Variants in NTM observed in about 807,000 individuals in gnomAD.
NTM encodes neurotrimin.
NTM carries 13 observed loss-of-function variants against 42.1 expected under a neutral mutation model. The ratio of observed to expected loss-of-function variants is 0.31; its 90% CI spans 0.20 to 0.49. The LOEUF (loss-of-function observed/expected upper bound fraction) is 0.49, where lower values mean the gene tolerates loss of function less well. Ranked by LOEUF, NTM falls within the 20% of genes least tolerant of loss-of-function variation. The probability of loss-of-function intolerance (pLI) is 0.99; values close to 1 mark genes in which losing one functional copy is unlikely to be tolerated. For missense variants in NTM, 373 were observed against 452.8 expected (o/e 0.82, Z 1.60); for synonymous variants, 187 against 179.2 (o/e 1.04, Z -0.35).
At chr11:131,842,076 G>A (rs576111158) in intron 1 of NTM, among the ~76,000 whole-genome samples, 35 of 152,290 alleles carry the variant, frequency 2.3e-4, no homozygotes, top group African/African-American at 7.0e-4. Flanking sequence ...CCACATGAGC[G>A]AGCAGCACCT....
At chr11:131,450,596 T>A (rs916328847) in intron 1 of NTM, among the ~76,000 whole-genome samples, 32 of 152,314 alleles carry the variant, frequency 2.1e-4, no homozygotes, top group Middle Eastern at 6.8e-3. Context: ...GCCTTCACAC[T>A]CTTATGCATG....
intron 1 of NTM, among the ~76,000 whole-genome samples, chr11:131,454,480 C>T (rs771034283): frequency 3.9e-5 from 6 of 152,296 alleles, no homozygotes; most frequent in Admixed American, 2.0e-4. Flanking sequence ...CCCCAACACA[C>T]CTTTACCCAC....
chr11:131,759,169 C>T (rs564821826), intron 1 of NTM, among the ~76,000 whole-genome samples: 2 of 152,330 alleles, frequency 1.3e-5, no homozygotes, highest in African/African-American at 4.8e-5. Context: ...GCTGCACACC[C>T]CTGTGCATAG....
intron 1 of NTM, among the ~76,000 whole-genome samples, chr11:131,372,837 C>T (rs1941406914): frequency 6.6e-6 from 1 of 151,852 alleles, no homozygotes; most frequent in Admixed American, 6.6e-5. Context: ...ATAATATTTG[C>T]TCATACTTTG....
chr11:131,674,644 T>C lies in NTM; in HGVS notation c.83-236920T>C, dbSNP rs1314074297. 2.0e-5 allele frequency among the ~76,000 whole-genome samples: 3 copies of C among 152,224 alleles called. No individual in the cohort carries two copies. The East Asian group carries it at 5.8e-4, about 29-fold the overall frequency. ...TTTCTGGTTCCCATGAATCTGGTGT[T>C]GGCTCAGTGTAACAGAACCAGCCTT... On this transcript the variant is annotated intron_variant, in intron 1 of 8. Transcript: ENST00000683400.
chr11:132,277,267 T>G (rs1288565860), intron 4 of NTM, among the ~76,000 whole-genome samples: 1 of 152,212 alleles, frequency 6.6e-6, no homozygotes, highest in African/African-American at 2.4e-5. Context: ...TAATTTATAA[T>G]TGATTTTATC....
intron 1 of NTM, among the ~76,000 whole-genome samples, chr11:131,425,891 C>T (rs1948086277): frequency 6.6e-6 from 1 of 151,894 alleles, no homozygotes; most frequent in South Asian, 2.1e-4. Flanking sequence ...TGTTATCTTC[C>T]TGGGCAGTAG....
intron 4 of NTM, among the ~76,000 whole-genome samples, chr11:132,223,406 A>T (rs2085547733): frequency 6.6e-6 from 1 of 152,186 alleles, no homozygotes. Context: ...CATTAAGAAG[A>T]TACCTCATAA....
intron 1 of NTM, among the ~76,000 whole-genome samples, chr11:131,864,056 G>A (rs2046898480): frequency 6.6e-6 from 1 of 152,146 alleles, no homozygotes; most frequent in Non-Finnish European, 1.5e-5. Flanking sequence ...GGGGGTCAGG[G>A]AGGAAAGGAG....
At chr11:131,834,625 C>CATATACATATATATAT (rs748768735) in intron 1 of NTM, among the ~76,000 whole-genome samples, 3 of 133,986 alleles carry the variant, frequency 2.2e-5, no homozygotes, top group Admixed American at 8.0e-5. Flanking sequence ...TATACATATA[C>CATATACATATATATAT]ATATATATAT....
intron 1 of NTM, among the ~76,000 whole-genome samples, chr11:131,778,926 G>A (rs916343909): frequency 3.3e-5 from 5 of 152,254 alleles, no homozygotes; most frequent in African/African-American, 4.8e-5. Flanking sequence ...GGCAAATGCC[G>A]GTGGGATAGT....
intron 1 of NTM, among the ~76,000 whole-genome samples, chr11:131,672,408 C>T (rs983177977): frequency 3.3e-5 from 5 of 152,224 alleles, no homozygotes; most frequent in African/African-American, 9.6e-5. Context: ...TCACGAAGCA[C>T]GCGTGGGCGT....
chr11:131,630,757 G>T (rs1017103402), intron 1 of NTM, among the ~76,000 whole-genome samples: 12 of 152,090 alleles, frequency 7.9e-5, no homozygotes, highest in African/African-American at 2.7e-4. Flanking sequence ...TCTCTTGGAG[G>T]TTAATTAGTT....
At chr11:131,661,426 G>T (rs186699747) in intron 1 of NTM, among the ~76,000 whole-genome samples, 4 of 152,346 alleles carry the variant, frequency 2.6e-5, no homozygotes, top group African/African-American at 9.6e-5. Context: ...TGATCAGGCA[G>T]TAAATGGCAT....
rs75335352 is a variant in NTM, at chr11:132,092,019, A to G, written c.168-54263A>G. Among the ~76,000 whole-genome samples the G allele has an allele frequency of 6.6e-3, 1,007 of 152,234 alleles. 9 individuals carry two copies. The highest frequency in any genetic ancestry group is 0.021 in the African/African-American group (888 of 41,536). ...GAGTCCCGCTTCCCTTCCACCTTCAATCCTCTTAAAGAAAAGCTATTCCAC... is the reference window on the plus strand; with the variant it reads ...GAGTCCCGCTTCCCTTCCACCTTCAGTCCTCTTAAAGAAAAGCTATTCCAC... On this transcript the variant is annotated intron_variant, in intron 2 of 8. Coordinates refer to ENST00000683400, the MANE Select transcript of NTM (RefSeq NM_001352005.2).
At chr11:131,683,208 C>G (rs949716587) in intron 1 of NTM, among the ~76,000 whole-genome samples, 1 of 152,190 alleles carries the variant, frequency 6.6e-6, no homozygotes, top group Non-Finnish European at 1.5e-5. Context: ...CTAACACCTC[C>G]CTGGCAGAGC....
intron 1 of NTM, among the ~76,000 whole-genome samples, chr11:131,538,921 C>CTTTTTTTTTTTTTTTTTTTT (rs58463755): frequency 9.8e-5 from 10 of 102,422 alleles, no homozygotes; most frequent in East Asian, 3.1e-4. Flanking sequence ...GTTAACTTAG[C>CTTTTTTTTTTTTTTTTTTTT]TTTTTTTTTT....
chr11:131,698,248 C>T (rs1008034344), intron 1 of NTM, among the ~76,000 whole-genome samples: 2 of 152,142 alleles, frequency 1.3e-5, no homozygotes, highest in Non-Finnish European at 2.9e-5. Context: ...TATACCCTGG[C>T]CACCTAGGGC....
intron 1 of NTM, among the ~76,000 whole-genome samples, chr11:131,806,656 G>A (rs537832585): frequency 2.0e-5 from 3 of 152,298 alleles, no homozygotes; most frequent in Non-Finnish European, 2.9e-5. Flanking sequence ...GCTAGTGGCA[G>A]AGCGAGGAGT....
Sources: allele counts gnomAD v4.1 joint callset (sites outside exome capture counted in the v4.1 genomes callset), GRCh38; gene constraint gnomAD v4.1.1; transcripts MANE v1.5; gene names NCBI Gene and HGNC (gene_info 2026-07-23, HGNC 2026-07-21).